Variants in RAD51B observed in about 807,000 individuals in gnomAD.
The protein encoded by RAD51B is DNA repair protein RAD51 homolog 2.
RAD51B carries 38 observed loss-of-function variants against 42.2 expected under a neutral mutation model. The ratio of observed to expected loss-of-function variants is 0.90; its 90% CI spans 0.70 to 1.18. The LOEUF (loss-of-function observed/expected upper bound fraction) is 1.18, where lower values mean the gene tolerates loss of function less well. Among genes scored for constraint, RAD51B ranks in the 50% most tolerant of loss-of-function variants. RAD51B has a pLI of 0.00. For synonymous variants in RAD51B, 154 were observed against 145.2 expected (o/e 1.06, Z -0.43); for missense variants, 373 against 400.7 (o/e 0.93, Z 0.59).
At chr14:68,095,971 CAAAAAAAAAA>C (rs56862052) in intron 7 of RAD51B, among the ~76,000 whole-genome samples, 1,504 of 62,662 alleles carry the variant, frequency 0.024, 36 homozygotes, top group African/African-American at 0.071. Flanking sequence ...GACTCCGTCT[CAAAAAAAAAA>C]AAAAAAAAAA....
intron 5 of RAD51B, among the ~76,000 whole-genome samples, chr14:67,865,513 A>G (rs2042309032): frequency 7.0e-6 from 1 of 141,894 alleles, no homozygotes; most frequent in Non-Finnish European, 1.5e-5. Context: ...CTGGGATTAT[A>G]GGCGTGAGCC....
At chr14:68,609,328 T>C (rs1891579721) in intron 10 of RAD51B, among the ~76,000 whole-genome samples, 1 of 152,054 alleles carries the variant, frequency 6.6e-6, no homozygotes, top group Non-Finnish European at 1.5e-5. Context: ...ACTGTCACTC[T>C]CCTCAGATGC....
At chr14:68,367,599 A>C (rs1020371936) in intron 8 of RAD51B, among the ~76,000 whole-genome samples, 1 of 152,222 alleles carries the variant, frequency 6.6e-6, no homozygotes, top group African/African-American at 2.4e-5. Context: ...GGGAAAATCC[A>C]GAGGAGACTA....
At chr14:68,228,382 A>T (rs2080082986) in intron 7 of RAD51B, among the ~76,000 whole-genome samples, 1 of 152,324 alleles carries the variant, frequency 6.6e-6, no homozygotes, top group South Asian at 2.1e-4. Context: ...CTTAATGAAA[A>T]GATTTTCTCT....
At chr14:68,113,931 A>C (rs568552318) in intron 7 of RAD51B, 1 of 152,268 alleles carries the variant, frequency 6.6e-6, no homozygotes, top group African/African-American at 2.4e-5. Context: ...TGCCGCATTC[A>C]TGAGGTTTCT....
chr14:68,417,400 T>G (rs1291038096), intron 9 of RAD51B, among the ~76,000 whole-genome samples: 1 of 152,198 alleles, frequency 6.6e-6, no homozygotes, highest in African/African-American at 2.4e-5. Context: ...TCAAGTACAT[T>G]ATCTTGGGTA....
At chr14:68,158,420 C>G (rs2078564619) in intron 7 of RAD51B, among the ~76,000 whole-genome samples, 1 of 152,186 alleles carries the variant, frequency 6.6e-6, no homozygotes, top group Non-Finnish European at 1.5e-5. Context: ...TTGTTCAATT[C>G]TAGTGAACCA....
intron 7 of RAD51B, among the ~76,000 whole-genome samples, chr14:68,019,813 T>C (rs1347148181): frequency 6.6e-6 from 1 of 152,196 alleles, no homozygotes; most frequent in Non-Finnish European, 1.5e-5. Flanking sequence ...CATTGTCCAA[T>C]ATGGCTGCTA....
intron 7 of RAD51B, among the ~76,000 whole-genome samples, chr14:68,192,872 C>T (rs960906): frequency 0.14 from 21,951 of 152,052 alleles, 4,925 homozygotes; most frequent in African/African-American, 0.48. Flanking sequence ...GGAATAATTA[C>T]GTAAATTGAT....
chr14:68,593,945 T>C (rs987674999), intron 10 of RAD51B, among the ~76,000 whole-genome samples: 1 of 152,152 alleles, frequency 6.6e-6, no homozygotes, highest in Admixed American at 6.6e-5. Flanking sequence ...AAGAATCCTT[T>C]CCAACTCCCA....
intron 8 of RAD51B, among the ~76,000 whole-genome samples, chr14:68,400,787 G>A (rs2084079716): frequency 6.6e-6 from 1 of 152,122 alleles, no homozygotes; most frequent in African/African-American, 2.4e-5. Context: ...GTTTTATTTT[G>A]CTAGTATTTA....
chr14:68,292,598 T>C (rs2081537470), intron 8 of RAD51B, among the ~76,000 whole-genome samples: 1 of 152,216 alleles, frequency 6.6e-6, no homozygotes, highest in South Asian at 2.1e-4. Flanking sequence ...TCTGAGTTGT[T>C]ATCCTTGTAG....
At chr14:67,978,868 T>A (rs1172707197) in intron 7 of RAD51B, among the ~76,000 whole-genome samples, 2 of 152,210 alleles carry the variant, frequency 1.3e-5, no homozygotes, top group Non-Finnish European at 2.9e-5. Context: ...GAGCATTTCC[T>A]TCTGAAAAAA....
chr14:67,860,697 G>A (rs548345367), intron 4 of RAD51B, among the ~76,000 whole-genome samples: 2 of 152,136 alleles, frequency 1.3e-5, no homozygotes, highest in South Asian at 4.2e-4. Flanking sequence ...AAAGCATACA[G>A]TATAGTCATA....
At chr14:67,885,741 C>A in intron 5 of RAD51B, 128 bp from the exon 6 acceptor site, 2 of 1,207,080 alleles carry the variant, frequency 1.7e-6, no homozygotes, top group Non-Finnish European at 2.2e-6. Flanking sequence ...GTATATTAAG[C>A]CATTTTGCTT....
chr14:68,361,476 C>T (rs528733097), intron 8 of RAD51B, among the ~76,000 whole-genome samples: 1 of 152,288 alleles, frequency 6.6e-6, no homozygotes, highest in South Asian at 2.1e-4. Flanking sequence ...TACACTTGGC[C>T]ACTTAACTTT....
intron 10 of RAD51B, among the ~76,000 whole-genome samples, chr14:68,506,468 T>C (rs1885329278): frequency 6.6e-6 from 1 of 152,180 alleles, no homozygotes; most frequent in Non-Finnish European, 1.5e-5. Context: ...AGGAAAACAA[T>C]GGCAAACAGA....
At chr14:67,992,276 G>A (rs2075308367) in intron 7 of RAD51B, among the ~76,000 whole-genome samples, 1 of 152,168 alleles carries the variant, frequency 6.6e-6, no homozygotes, top group Admixed American at 6.5e-5. Context: ...CCCTTTGGAA[G>A]GAAGGTTAGA....
chr14:68,427,675 A>G (rs2084886832), intron 9 of RAD51B, among the ~76,000 whole-genome samples: 1 of 152,176 alleles, frequency 6.6e-6, no homozygotes, highest in African/African-American at 2.4e-5. Context: ...TTGCTTTAGG[A>G]TGAATCATGC....
Sources: gnomAD v4.1 joint callset for allele counts (sites outside exome capture counted in the v4.1 genomes callset) on GRCh38, gnomAD v4.1.1 for gene constraint, MANE v1.5 for transcripts, NCBI Gene and HGNC (gene_info 2026-07-23, HGNC 2026-07-21) for gene names.